The following CCDC141 variants were observed in gnomAD, a reference collection of about 807,000 sequenced individuals.
The protein encoded by CCDC141 is coiled-coil domain containing 141.
A neutral mutation model predicts 181.0 loss-of-function variants in CCDC141; 168 were observed. The observed-to-expected ratio is 0.93, with a 90% CI of 0.82 to 1.05. CCDC141 has a LOEUF of 1.05. Among genes scored for constraint, CCDC141 ranks in the 50% least tolerant of loss-of-function variants. The pLI, the probability that CCDC141 is intolerant of heterozygous loss-of-function variation, is 0.00. For missense variants in CCDC141, 1,902 were observed against 1,788.5 expected, an observed-to-expected ratio of 1.06 and a Z score of -1.14; for synonymous variants, 666 against 642.3, an observed-to-expected ratio of 1.04 and a Z score of -0.56.
chr2:179,010,770 C>T (rs551256334), intron 2 of CCDC141, among the ~76,000 whole-genome samples: 9 of 152,084 alleles, frequency 5.9e-5, no homozygotes, highest in Non-Finnish European at 8.8e-5. Context: ...CAAAACAAAC[C>T]GAAGTACACA....
the CCDC141 span, among the ~76,000 whole-genome samples, chr2:178,819,411 T>C: frequency 1.3e-5 from 2 of 152,204 alleles, no homozygotes; most frequent in South Asian, 2.1e-4. Context: ...CCAGGATAAC[T>C]AATCCATTTA....
chr2:178,860,542 A>ATTT (rs1685563255), intron 17 of CCDC141, among the ~76,000 whole-genome samples: 1 of 25,168 alleles, frequency 4.0e-5, no homozygotes, highest in Non-Finnish European at 8.1e-5. Context: ...AAAAAACAAC[A>ATTT]CTTTTTTTTT....
intron 2 of CCDC141, chr2:179,002,485 T>C: frequency 2.4e-6 from 1 of 411,174 alleles, no homozygotes; most frequent in Non-Finnish European, 4.9e-6. Context: ...CACAAACTTT[T>C]CAATCTCTCT....
At position 179,004,983 on chromosome 2, in the gene CCDC141, C is replaced by T. The variant is rs558745697; in HGVS notation, c.226-26308G>A. ...CTGACCTCAGGTTATCCACCTGCCT[C>T]GGCCTCCCAAAGTGCTGGGATTACT... On this transcript the variant is annotated intron_variant, in intron 2 of 23. Coordinates refer to ENST00000443758, the MANE Select transcript of CCDC141 (RefSeq NM_173648.4). 2.8e-3 allele frequency among the ~76,000 whole-genome samples: 430 copies of T among 152,278 alleles called. 4 individuals are homozygous for T. Among genetic ancestry groups the T allele is most frequent in the African/African-American group, 9.3e-3 (385 of 41,552 alleles).
intron 2 of CCDC141, among the ~76,000 whole-genome samples, chr2:179,044,275 T>C (rs1034724690): frequency 2.0e-5 from 3 of 152,134 alleles, no homozygotes; most frequent in Non-Finnish European, 4.4e-5. Context: ...TAAACTACCA[T>C]TGACATTCTT....
intron 2 of CCDC141, among the ~76,000 whole-genome samples, chr2:179,045,595 C>T (rs1179949904): frequency 6.6e-6 from 1 of 151,686 alleles, no homozygotes; most frequent in Non-Finnish European, 1.5e-5. Context: ...ACGCTGACTT[C>T]CACAATGGTT....
chr2:178,841,936 A>G (rs1684741355), intron 22 of CCDC141, among the ~76,000 whole-genome samples: 1 of 152,202 alleles, frequency 6.6e-6, no homozygotes, highest in Admixed American at 6.5e-5. Flanking sequence ...CCCAGCCAGA[A>G]ACATTATTTT....
At chr2:178,952,449 G>A (rs1689988347) in intron 5 of CCDC141, among the ~76,000 whole-genome samples, 1 of 152,130 alleles carries the variant, frequency 6.6e-6, no homozygotes, top group South Asian at 2.1e-4. Context: ...AGGACACTGA[G>A]GCACAGAGGC....
chr2:178,841,904 G>A (rs950114948), intron 22 of CCDC141, among the ~76,000 whole-genome samples: 8 of 152,122 alleles, frequency 5.3e-5, no homozygotes, highest in African/African-American at 7.2e-5. Context: ...AAGTGCTGGG[G>A]TTACAGGCGT....
chr2:178,984,407 C>T (rs542612615), intron 2 of CCDC141, among the ~76,000 whole-genome samples: 2 of 151,826 alleles, frequency 1.3e-5, no homozygotes, highest in African/African-American at 4.8e-5. Context: ...ACTGCATCAA[C>T]TAACGAGCAA....
At chr2:178,986,381 A>G (rs1017182591) in intron 2 of CCDC141, among the ~76,000 whole-genome samples, 15 of 152,262 alleles carry the variant, frequency 9.9e-5, no homozygotes, top group South Asian at 2.1e-4. Context: ...GCAAAAACTG[A>G]AAGCATTCCC....
chr2:179,011,834 T>A (rs1022867707), intron 2 of CCDC141, among the ~76,000 whole-genome samples: 2 of 151,970 alleles, frequency 1.3e-5, no homozygotes, highest in African/African-American at 2.4e-5. Context: ...TTCAAAACCA[T>A]GAAAATACAT....
intron 2 of CCDC141, among the ~76,000 whole-genome samples, chr2:178,993,528 C>T (rs532884881): frequency 6.6e-6 from 1 of 152,276 alleles, no homozygotes; most frequent in South Asian, 2.1e-4. Context: ...CAGGTCTCTC[C>T]CACAGCATGT....
intron 21 of CCDC141, among the ~76,000 whole-genome samples, chr2:178,846,366 G>A (rs1478320788): frequency 1.3e-5 from 2 of 152,150 alleles, no homozygotes; most frequent in African/African-American, 4.8e-5. Flanking sequence ...ACTTTGTAAA[G>A]GTGGAAAGAA....
At chr2:178,924,805 A>G (rs1224016853) in intron 6 of CCDC141, among the ~76,000 whole-genome samples, 5 of 152,246 alleles carry the variant, frequency 3.3e-5, no homozygotes, top group Admixed American at 2.6e-4. Context: ...TAGAGATGAA[A>G]GAAGTGTGCT....
rs757892162 is a variant in CCDC141 at position 178,918,701 on chromosome 2, C to T, written c.1092+12G>A. On this transcript the variant is annotated intron_variant, in intron 7 of 23. Transcript: ENST00000443758. Reference sequence around the variant, plus strand: ...TGATTACCGAAAATTATCAACTTGACCTCACACTGACCTTGTTAGCACTGT... The same window carrying T: ...TGATTACCGAAAATTATCAACTTGATCTCACACTGACCTTGTTAGCACTGT... 1.2e-5 allele frequency: 18 copies of T among 1,547,272 alleles called. No individual in the cohort carries two copies. The South Asian group carries it at 1.9e-4, about 16-fold the overall frequency.
chr2:178,883,313 T>A (rs528680700), intron 11 of CCDC141, among the ~76,000 whole-genome samples: 1 of 152,226 alleles, frequency 6.6e-6, no homozygotes, highest in South Asian at 2.1e-4. Context: ...GGATAAATGC[T>A]TGAGGGGATG....
intron 2 of CCDC141, among the ~76,000 whole-genome samples, chr2:179,028,093 A>C (rs1212011305): frequency 6.6e-6 from 1 of 152,174 alleles, no homozygotes; most frequent in African/African-American, 2.4e-5. Flanking sequence ...CTTCCCACCC[A>C]GGATACCATG....
intron 2 of CCDC141, among the ~76,000 whole-genome samples, chr2:179,043,920 C>T (rs1304813986): frequency 6.6e-6 from 1 of 152,078 alleles, no homozygotes; most frequent in Non-Finnish European, 1.5e-5. Context: ...CTGTCTCAGC[C>T]CAAAAGCTTC....
Sources: allele counts gnomAD v4.1 joint callset (sites outside exome capture counted in the v4.1 genomes callset), GRCh38; gene constraint gnomAD v4.1.1; transcripts MANE v1.5; gene names NCBI Gene and HGNC (gene_info 2026-07-23, HGNC 2026-07-21).